Variants in ANKRD31 observed in about 807,000 individuals in gnomAD.
ANKRD31 encodes the protein ankyrin repeat domain 31.
Under a neutral mutation model 186.0 loss-of-function variants are expected in ANKRD31, and 147 were observed. The observed-to-expected ratio is 0.79, with a 90% confidence interval of 0.69 to 0.91. The LOEUF is 0.91. Ranked by LOEUF, ANKRD31 falls within the 40% of genes least tolerant of loss-of-function variation. ANKRD31 has a pLI of 0.00. For synonymous variants in ANKRD31, 673 were observed against 736.4 expected (o/e 0.91, Z 1.39); for missense variants, 1,986 against 2,148.8 (o/e 0.92, Z 1.50).
At position 75,194,517 on chromosome 5, in the gene ANKRD31, C is replaced by T. The variant is rs573404186; in HGVS notation, c.1018-926G>A. On this transcript the variant is annotated intron_variant, in intron 7 of 25. Transcript: ENST00000506364. ...AGTATTGTCCCAGGTATGTATGCTGCAACACGAGCTCAGCATTTTGTTACA... is the reference window on the plus strand; with the variant it reads ...AGTATTGTCCCAGGTATGTATGCTGTAACACGAGCTCAGCATTTTGTTACA... 6.6e-5 allele frequency among the ~76,000 whole-genome samples: 10 copies of T among 152,200 alleles called. No individual in the cohort carries two copies. In the South Asian group the frequency reaches 2.1e-3, roughly 32 times the overall value.
At chr5:75,099,886 T>C (rs966577626) in intron 22 of ANKRD31, among the ~76,000 whole-genome samples, 3 of 152,194 alleles carry the variant, frequency 2.0e-5, no homozygotes, top group African/African-American at 4.8e-5. Context: ...CCTGAATTCA[T>C]TGATTTTTTG....
At chr5:75,208,228 C>T (rs748026736) in intron 4 of ANKRD31, among the ~76,000 whole-genome samples, 3 of 152,220 alleles carry the variant, frequency 2.0e-5, no homozygotes, top group South Asian at 4.1e-4. Context: ...TCTGGCTTCA[C>T]ACAGATATGG....
chr5:75,097,739 A>G (rs1746450798), intron 22 of ANKRD31, among the ~76,000 whole-genome samples: 1 of 152,166 alleles, frequency 6.6e-6, no homozygotes. Context: ...GCCCATGCCT[A>G]TGTCCTGAAT....
chr5:75,205,575 A>C (rs1756125635), intron 5 of ANKRD31, among the ~76,000 whole-genome samples: 1 of 152,224 alleles, frequency 6.6e-6, no homozygotes, highest in African/African-American at 2.4e-5. Flanking sequence ...ATTTGTTAAA[A>C]GAATAAACAA....
intron 22 of ANKRD31, among the ~76,000 whole-genome samples, chr5:75,103,750 C>T (rs1460429786): frequency 6.6e-6 from 1 of 152,134 alleles, no homozygotes; most frequent in Admixed American, 6.5e-5. Context: ...AACGCAAGAA[C>T]ATAAGACCAA....
chr5:75,234,946 A>G, intron 1 of ANKRD31, among the ~76,000 whole-genome samples: 1 of 151,842 alleles, frequency 6.6e-6, no homozygotes, highest in East Asian at 1.9e-4. Context: ...TCCCAATATC[A>G]TTTTTTGAAA....
chr5:75,167,150 A>G (rs1752983417), intron 11 of ANKRD31, among the ~76,000 whole-genome samples: 1 of 152,092 alleles, frequency 6.6e-6, no homozygotes, highest in South Asian at 2.1e-4. Context: ...GGATATTTCA[A>G]ATTAATGGAA....
chr5:75,164,010 G>A (rs998883180), intron 11 of ANKRD31, among the ~76,000 whole-genome samples: 2 of 152,150 alleles, frequency 1.3e-5, no homozygotes, highest in South Asian at 2.1e-4. Context: ...AATAGTATAT[G>A]GCAGAAATGA....
intron 22 of ANKRD31, among the ~76,000 whole-genome samples, chr5:75,097,363 G>A (rs1472781614): frequency 2.0e-5 from 3 of 152,214 alleles, no homozygotes; most frequent in Non-Finnish European, 4.4e-5. Flanking sequence ...TAACTGGTGT[G>A]AGATGGTATC....
At chr5:75,175,255 T>C (rs1753698018) in intron 10 of ANKRD31, among the ~76,000 whole-genome samples, 1 of 152,024 alleles carries the variant, frequency 6.6e-6, no homozygotes, top group African/African-American at 2.4e-5. Flanking sequence ...GGGGGAGGGA[T>C]AGCATTAGGA....
At chr5:75,202,988 C>G (rs1755913621) in intron 5 of ANKRD31, among the ~76,000 whole-genome samples, 1 of 152,106 alleles carries the variant, frequency 6.6e-6, no homozygotes, top group East Asian at 1.9e-4. Flanking sequence ...GCTTTGTCAC[C>G]CAGGCTGTAA....
At position 75,188,533 on chromosome 5, in the gene ANKRD31, A is replaced by G. The variant is rs1754888577; in HGVS notation, c.1524T>C (p.Cys508=). Residue 508 remains cysteine (C), a synonymous_variant, in exon 10 of 26, where the codon TGT becomes TGC. Coordinates refer to ENST00000506364, the MANE Select transcript of ANKRD31 (RefSeq NM_001372053.1). ...LHDDADLVHH[C]IKKGGNVNQP... ...GATTAACATTTCCACCTTTTTTTAT[A>G]CAATGATGAACAAGATCAGCATCAT... The G allele has an allele frequency of 6.5e-7, 1 of 1,535,438 alleles. No individual in the cohort carries two copies. The highest frequency in any genetic ancestry group is 8.7e-7 in the Non-Finnish European group (1 of 1,146,364).
chr5:75,130,361 G>C (rs562377731), intron 17 of ANKRD31, among the ~76,000 whole-genome samples: 3 of 152,300 alleles, frequency 2.0e-5, no homozygotes, highest in East Asian at 1.9e-4. Flanking sequence ...GTGTGGAAAG[G>C]GACCTCAGTG....
chr5:75,179,626 A>T (rs1279182903), intron 10 of ANKRD31, among the ~76,000 whole-genome samples: 1 of 152,218 alleles, frequency 6.6e-6, no homozygotes, highest in Non-Finnish European at 1.5e-5. Context: ...AGAACCAAAG[A>T]CAAAAACCAC....
chr5:75,188,246 C>T (rs1459342180), intron 10 of ANKRD31, among the ~76,000 whole-genome samples: 1 of 152,162 alleles, frequency 6.6e-6, no homozygotes, highest in African/African-American at 2.4e-5. Flanking sequence ...CTGGATGCCA[C>T]TGCACATAAC....
At chr5:75,185,514 C>T (rs1049787830) in intron 10 of ANKRD31, among the ~76,000 whole-genome samples, 3 of 152,030 alleles carry the variant, frequency 2.0e-5, no homozygotes, top group Non-Finnish European at 4.4e-5. Flanking sequence ...GCCAAGATCA[C>T]GCCACTGCAC....
At chr5:75,229,885 AAAC>A (rs533377012) in intron 2 of ANKRD31, among the ~76,000 whole-genome samples, 10,872 of 83,220 alleles carry the variant, frequency 0.13, 1,041 homozygotes, top group South Asian at 0.18. Context: ...AAAAAAAAAA[AAAC>A]AAAAAAAACA....
chr5:75,123,469 G>T (rs1480984710), intron 17 of ANKRD31, among the ~76,000 whole-genome samples: 2 of 152,040 alleles, frequency 1.3e-5, no homozygotes, highest in African/African-American at 2.4e-5. Flanking sequence ...CCAAAAAACA[G>T]TCTGAATAGC....
chr5:75,077,093 T>G (rs950472584), intron 25 of ANKRD31, among the ~76,000 whole-genome samples: 5 of 152,172 alleles, frequency 3.3e-5, no homozygotes, highest in African/African-American at 1.2e-4. Flanking sequence ...AAATTAATAA[T>G]TTTTTGTTGT....
Sources: gnomAD v4.1 joint callset for allele counts (sites outside exome capture counted in the v4.1 genomes callset) on GRCh38, gnomAD v4.1.1 for gene constraint, MANE v1.5 for transcripts, NCBI Gene and HGNC (gene_info 2026-07-23, HGNC 2026-07-21) for gene names.